TTC13: variants seen among roughly 807,000 people sequenced by gnomAD.
TTC13 encodes tetratricopeptide repeat protein 13.
TTC13 carries 62 observed loss-of-function variants against 120.0 expected under a neutral mutation model. The observed-to-expected ratio is 0.52, with a 90% CI of 0.42 to 0.64. The LOEUF (loss-of-function observed/expected upper bound fraction) is 0.64, where lower values mean the gene tolerates loss of function less well. Among genes scored for constraint, TTC13 ranks in the 30% least tolerant of loss-of-function variants. The pLI, the probability that TTC13 is intolerant of heterozygous loss-of-function variation, is 0.00. For synonymous variants in TTC13, 384 were observed against 393.5 expected, an observed-to-expected ratio of 0.98 and a Z score of 0.28; for missense variants, 824 against 1,050.2, an observed-to-expected ratio of 0.78 and a Z score of 2.98.
At chr1:230,968,570 C>T (rs1426784938) in intron 1 of TTC13, among the ~76,000 whole-genome samples, 4 of 152,112 alleles carry the variant, frequency 2.6e-5, no homozygotes, top group Non-Finnish European at 5.9e-5. Flanking sequence ...GCAAGTAGAG[C>T]AGGGGGCAGG....
intron 22 of TTC13, among the ~76,000 whole-genome samples, chr1:230,908,076 T>G (rs1376522810): frequency 1.3e-5 from 2 of 152,186 alleles, no homozygotes; most frequent in Non-Finnish European, 2.9e-5. Flanking sequence ...GTCTACAAGT[T>G]CAAACACTCC....
intron 14 of TTC13, 43 bp downstream of exon 14, chr1:230,924,798 A>C: frequency 6.2e-7 from 1 of 1,610,474 alleles, no homozygotes; most frequent in Non-Finnish European, 8.5e-7. Flanking sequence ...GTTATTTGAC[A>C]ATGATAAGAC....
At position 230,978,573 on chromosome 1, in the gene TTC13, A is replaced by T; in HGVS notation, c.258T>A (p.Ser86=). The T allele has an allele frequency of 8.1e-7, 1 of 1,238,378 alleles. No homozygotes were observed. The highest frequency in any genetic ancestry group is 1.1e-6 in the Non-Finnish European group (1 of 932,138). The allele number at this position is 1,238,378 out of a possible 1,614,324, so 76.7% of individuals were successfully genotyped here. The stretch of plus-strand genomic sequence containing the variant: ...CCGCCCACTCACCGCCGCACTCGGC[A>T]GAGTACTGGTCCCCCCAGTCCCCGG... ...PQSGDWGDQY[S]AECGESSFLN... Residue 86 remains serine (S), a synonymous_variant, in exon 1 of 23, where the codon TCT becomes TCA. Transcript: ENST00000366661. This position sits in a 1 kb window ranked among gnomAD's most constrained non-coding sequence, Gnocchi z 5.6.
At chr1:230,963,229 G>A (rs573349831) in intron 1 of TTC13, among the ~76,000 whole-genome samples, 171 of 152,192 alleles carry the variant, frequency 1.1e-3, no homozygotes, top group African/African-American at 2.8e-3. Context: ...AAATTCTCAC[G>A]TGTTGTATAT....
intron 1 of TTC13, among the ~76,000 whole-genome samples, chr1:230,976,103 G>A (rs192972972): frequency 8.6e-4 from 131 of 152,354 alleles, no homozygotes; most frequent in Non-Finnish European, 1.7e-3. Flanking sequence ...GTGCTGCTGT[G>A]TTTGTCCTCA....
chr1:230,969,248 C>T (rs1050041605), intron 1 of TTC13, among the ~76,000 whole-genome samples: 16 of 145,646 alleles, frequency 1.1e-4, no homozygotes, highest in Middle Eastern at 3.5e-3. Flanking sequence ...GGTGACAAAG[C>T]GACACTCCAT....
In TTC13 at chr1:230,945,386, C is replaced by T. The variant is rs1218692550; in HGVS notation, c.579+3G>A. On this transcript the variant is annotated splice_donor_region_variant and intron_variant, in intron 5 of 22. Transcript: ENST00000366661. ...ATGGCAATCGTAACTATTACATACT[C>T]ACATGTAGTCCCTTCTTTCCATAGG... 14 of 1,613,246 alleles carry T rather than the reference C, an allele frequency of 8.7e-6. No individual in the cohort carries two copies. Among genetic ancestry groups the T allele is most frequent in the African/African-American group, 1.3e-5 (1 of 74,922 alleles).
At chr1:230,973,862 G>A (rs1678001721) in intron 1 of TTC13, among the ~76,000 whole-genome samples, 1 of 152,156 alleles carries the variant, frequency 6.6e-6, no homozygotes, top group Admixed American at 6.5e-5. Flanking sequence ...CAGATCACGA[G>A]GTCAGGAGTT....
chr1:230,938,615 C>T (rs971069518), intron 8 of TTC13, among the ~76,000 whole-genome samples: 4 of 152,202 alleles, frequency 2.6e-5, no homozygotes, highest in Non-Finnish European at 4.4e-5. Context: ...CCAACCTGTT[C>T]CTGTGGTCTC....
chr1:230,943,882 T>C lies in TTC13; in HGVS notation c.596A>G (p.Glu199Gly). The C allele has an allele frequency of 6.2e-7, 1 of 1,609,734 alleles. No individual in the cohort carries two copies. Among genetic ancestry groups the C allele is most frequent in the African/African-American group, 1.3e-5 (1 of 74,938 alleles). Residue 199 changes from glutamate to glycine, a missense_variant, in exon 6 of 23, where the codon GAG becomes GGG. Physicochemically the swap from Glu to Gly is moderately conservative, Grantham distance 98. This residue lies in a region of TTC13 where 430 missense variants were observed against 626.8 expected (regional missense o/e 0.69). Transcript: ENST00000366661. ...TCGGCTCAGTTCGAACAGAGCAAGC[T>C]CAGCATTCTTAATGTCCTTGAAAAG... ...KKGLHDIKNA[E>G]LALFELSRVI...
intron 1 of TTC13, among the ~76,000 whole-genome samples, chr1:230,969,456 T>C (rs903903108): frequency 6.6e-6 from 1 of 152,234 alleles, no homozygotes; most frequent in African/African-American, 2.4e-5. Flanking sequence ...ACAGTTATTA[T>C]AATGATTTTC....
intron 17 of TTC13, among the ~76,000 whole-genome samples, chr1:230,917,392 TC>T (rs1672136814): frequency 1.3e-5 from 2 of 152,102 alleles, no homozygotes; most frequent in African/African-American, 4.8e-5. Context: ...TGAATTCCAG[TC>T]CGCGTTACTT....
intron 1 of TTC13, among the ~76,000 whole-genome samples, chr1:230,975,206 C>G (rs1409563718): frequency 1.4e-5 from 2 of 146,664 alleles, no homozygotes; most frequent in Non-Finnish European, 3.0e-5. Flanking sequence ...GACCTTGTCT[C>G]TACAGAAAAA....
intron 11 of TTC13, among the ~76,000 whole-genome samples, chr1:230,929,344 T>A (rs1673335538): frequency 8.8e-6 from 1 of 113,366 alleles, no homozygotes; most frequent in Non-Finnish European, 1.9e-5. Flanking sequence ...TGAGACGGAG[T>A]CTTGCTCCAG....
At chr1:230,963,767 C>T (rs1243597037) in intron 1 of TTC13, among the ~76,000 whole-genome samples, 2 of 152,022 alleles carry the variant, frequency 1.3e-5, no homozygotes, top group East Asian at 3.9e-4. Context: ...GGTACAAAGG[C>T]AAGGAAATGC....
At chr1:230,938,963 C>G (rs1674318559) in intron 8 of TTC13, among the ~76,000 whole-genome samples, 3 of 152,168 alleles carry the variant, frequency 2.0e-5, no homozygotes, top group African/African-American at 7.2e-5. Context: ...CACCCACGCT[C>G]TCCTCTCTGC....
intron 1 of TTC13, among the ~76,000 whole-genome samples, chr1:230,968,291 T>C (rs1677344726): frequency 1.2e-5 from 1 of 83,242 alleles, no homozygotes; most frequent in African/African-American, 5.6e-5. Context: ...GTATTAGGTA[T>C]ATGCACACTG....
chr1:230,941,019 C>A (rs1468336114), intron 6 of TTC13, among the ~76,000 whole-genome samples: 1 of 152,168 alleles, frequency 6.6e-6, no homozygotes, highest in Non-Finnish European at 1.5e-5. Context: ...TGAATGACAA[C>A]TTCTAAGATT....
In TTC13 at chr1:230,931,379, C is replaced by A. The variant is rs1165869262; in HGVS notation, c.1219G>T (p.Ala407Ser). 1 of 1,614,196 alleles carries A rather than the reference C, an allele frequency of 6.2e-7. No individual in the cohort carries two copies. Among genetic ancestry groups the A allele is most frequent in the South Asian group, 1.1e-5 (1 of 91,074 alleles). The change falls in exon 11 of 23, where the codon GCA (alanine) becomes TCA (serine). Residue 407 changes from alanine (A) to serine (S), a missense_variant. Transcript: ENST00000366661. ...AMGQFYEGIK[A>S]QTKVMLNDPL... Reference sequence around the variant, plus strand: ...TCATTCAGCATAACTTTTGTTTGTGCTTTTATCCCTTCATAAAACTGTCCC... The same window carrying A: ...TCATTCAGCATAACTTTTGTTTGTGATTTTATCCCTTCATAAAACTGTCCC...
Sources: allele counts gnomAD v4.1 joint callset (sites outside exome capture counted in the v4.1 genomes callset), GRCh38; gene constraint gnomAD v4.1.1; regional missense constraint gnomAD v4.1.1; non-coding constraint Gnocchi (gnomAD v3.1); transcripts MANE v1.5; gene names NCBI Gene and HGNC (gene_info 2026-07-23, HGNC 2026-07-21).